The following PICALM variants were observed in gnomAD, a reference collection of about 807,000 sequenced individuals.
The protein encoded by PICALM is phosphatidylinositol binding clathrin assembly protein, also known as phosphatidylinositol-binding clathrin assembly protein.
Under a neutral mutation model 80.5 loss-of-function variants are expected in PICALM, and 40 were observed. The observed-to-expected ratio is 0.50, with a 90% CI of 0.39 to 0.65. PICALM has a LOEUF of 0.65. Ranked by LOEUF, PICALM falls within the 30% of genes least tolerant of loss-of-function variation. The pLI, the probability that PICALM is intolerant of heterozygous loss-of-function variation, is 0.00. For synonymous variants in PICALM, 288 were observed against 260.3 expected (o/e 1.11, Z -1.02); for missense variants, 676 against 778.9 (o/e 0.87, Z 1.57).
chr11:86,013,708 T>G (rs1007346439), intron 5 of PICALM, among the ~76,000 whole-genome samples: 1 of 152,186 alleles, frequency 6.6e-6, no homozygotes, highest in African/African-American at 2.4e-5. Context: ...GACCCTGAGA[T>G]TCTATACAAA....
chr11:86,030,857 G>A (rs554127223), intron 2 of PICALM, among the ~76,000 whole-genome samples: 174 of 152,340 alleles, frequency 1.1e-3, no homozygotes, highest in Non-Finnish European at 2.0e-3. Context: ...GCTTACGCCT[G>A]TAATCCCAGC....
chr11:86,022,058 G>A (rs533556315), intron 4 of PICALM, among the ~76,000 whole-genome samples: 1 of 152,246 alleles, frequency 6.6e-6, no homozygotes, highest in Admixed American at 6.5e-5. Flanking sequence ...GAGTTTCTTT[G>A]TGGAGGTGAT....
At chr11:86,056,595 T>C (rs1409178279) in intron 1 of PICALM, among the ~76,000 whole-genome samples, 3 of 152,162 alleles carry the variant, frequency 2.0e-5, no homozygotes, top group African/African-American at 7.2e-5. Context: ...ACAGTGTCAC[T>C]GATGTGGAAA....
chr11:85,997,054 T>C, intron 11 of PICALM, 125 bp from the exon 12 acceptor site: 3 of 560,048 alleles, frequency 5.4e-6, no homozygotes, highest in Non-Finnish European at 9.3e-6. Context: ...TTAATATAAA[T>C]CTCAAAAGAG....
intron 1 of PICALM, among the ~76,000 whole-genome samples, chr11:86,043,143 A>C (rs988707233): frequency 6.6e-5 from 10 of 152,218 alleles, no homozygotes; most frequent in African/African-American, 2.4e-4. Context: ...AAGCACACTA[A>C]TAAAAGTTTA....
chr11:86,020,424 G>GGAA (rs1555096389), intron 4 of PICALM, among the ~76,000 whole-genome samples: 5 of 94,250 alleles, frequency 5.3e-5, no homozygotes, highest in Admixed American at 5.0e-4. Flanking sequence ...ACAATCTTGG[G>GGAA]AAAAAAAAAA....
At position 86,061,103 on chromosome 11, in the gene PICALM, C is replaced by T. The variant is rs568071975; in HGVS notation, c.130+7548G>A. On this transcript the variant is annotated intron_variant, in intron 1 of 19. Transcript: ENST00000393346. ...CAACACTTTGGGAGGCTGAAGCAGG[C>T]GGATCACCTGAGATGAGGAGTTCAA... Among the ~76,000 whole-genome samples, 24 of 152,068 alleles carry T rather than the reference C, an allele frequency of 1.6e-4. No homozygotes were observed. In the East Asian group the frequency reaches 3.7e-3, roughly 23 times the overall value.
chr11:85,960,636 A>G (rs2093658350), intron 19 of PICALM: 1 of 829,026 alleles, frequency 1.2e-6, no homozygotes, highest in African/African-American at 1.8e-5. Context: ...ATTGTTTTTA[A>G]GTATTTAAGT....
At chr11:86,045,741 TAA>T (rs1279546594) in intron 1 of PICALM, among the ~76,000 whole-genome samples, 1 of 152,180 alleles carries the variant, frequency 6.6e-6, no homozygotes, top group East Asian at 1.9e-4. Flanking sequence ...CTAAATTTCT[TAA>T]AGAGTGTATC....
intron 7 of PICALM, among the ~76,000 whole-genome samples, chr11:86,008,824 C>T (rs956552056): frequency 3.3e-5 from 5 of 151,536 alleles, no homozygotes; most frequent in African/African-American, 1.2e-4. Flanking sequence ...GGCGCGGTGG[C>T]TCACGCCTGT....
chr11:86,023,421 A>G (rs773320834), intron 3 of PICALM: 2 of 982,442 alleles, frequency 2.0e-6, no homozygotes, highest in Non-Finnish European at 1.2e-6. Context: ...CATACCTACT[A>G]CTGTACACGT....
rs1565361196 is a variant in PICALM at position 86,001,169 on chromosome 11, T to TG, written c.894-12dup. ...GAAAGTGTAGTTGCCCTAGGATAAT[T>TG]GAACAGAGATAATTTGGCTTTTTGC... On this transcript the variant is annotated splice_polypyrimidine_tract_variant and intron_variant, in intron 9 of 19. Transcript: ENST00000393346. The TG allele has an allele frequency of 6.2e-7, 1 of 1,611,320 alleles. No homozygotes were observed. Among genetic ancestry groups the TG allele is most frequent in the East Asian group, 2.2e-5 (1 of 44,858 alleles).
chr11:85,963,714 T>C (rs937483763), intron 19 of PICALM, among the ~76,000 whole-genome samples: 4 of 152,176 alleles, frequency 2.6e-5, no homozygotes, highest in Non-Finnish European at 5.9e-5. Flanking sequence ...CCAAAATCTT[T>C]GCATTATATC....
chr11:86,014,681 GAAAT>G (rs1205392011), intron 5 of PICALM, among the ~76,000 whole-genome samples, 185 bp downstream of exon 5: 2 of 151,990 alleles, frequency 1.3e-5, no homozygotes, highest in Admixed American at 6.6e-5. Context: ...AAGCACTAAA[GAAAT>G]AAATCCAAAA....
At chr11:86,019,333 ACTT>A (rs1592984924) in intron 4 of PICALM, among the ~76,000 whole-genome samples, 2 of 152,120 alleles carry the variant, frequency 1.3e-5, no homozygotes, top group East Asian at 3.9e-4. Context: ...CCACTTTTGC[ACTT>A]CTTCTTGGTC....
chr11:86,029,458 T>C (rs1367695237), intron 2 of PICALM, among the ~76,000 whole-genome samples: 3 of 152,198 alleles, frequency 2.0e-5, no homozygotes, highest in Non-Finnish European at 2.9e-5. Flanking sequence ...TTTAACTGCC[T>C]ACAGGAAGCT....
intron 7 of PICALM, among the ~76,000 whole-genome samples, chr11:86,010,624 C>T (rs777459962): frequency 1.6e-4 from 25 of 152,138 alleles, no homozygotes; most frequent in South Asian, 1.0e-3. Context: ...GCCCAGCCAA[C>T]GAAAACATTT....
rs1228456045 is a variant in PICALM, at chr11:85,981,862, GACT to G, written c.1648+7_1648+9del. On this transcript the variant is annotated splice_region_variant and intron_variant, in intron 15 of 19. Coordinates refer to ENST00000393346, the MANE Select transcript of PICALM (RefSeq NM_007166.4). Reference sequence around the variant, plus strand: ...ATAAAAGAAGATTAACGTATCCAAAGACTACTTACTGCCCACAAGGTTGGCTAA... The same window carrying G: ...ATAAAAGAAGATTAACGTATCCAAAGACTTACTGCCCACAAGGTTGGCTAA... The G allele has an allele frequency of 1.2e-6, 2 of 1,613,142 alleles. No homozygotes were observed. The highest frequency in any genetic ancestry group is 1.7e-6 in the Non-Finnish European group (2 of 1,179,262).
chr11:85,965,947 G>T (rs925363300), intron 19 of PICALM, among the ~76,000 whole-genome samples: 1 of 149,616 alleles, frequency 6.7e-6, no homozygotes, highest in Non-Finnish European at 1.5e-5. Context: ...CTCCTGAGTT[G>T]CTGGGACTAC....
Sources: allele counts gnomAD v4.1 joint callset (sites outside exome capture counted in the v4.1 genomes callset), GRCh38; gene constraint gnomAD v4.1.1; transcripts MANE v1.5; gene names NCBI Gene and HGNC (gene_info 2026-07-23, HGNC 2026-07-21).